Variants in POLK observed in about 807,000 individuals in gnomAD.
The protein encoded by POLK is polymerase (DNA directed) kappa.
A neutral mutation model predicts 94.0 loss-of-function variants in POLK; 76 were observed. That is an observed-to-expected ratio of 0.81 (90% CI 0.67 to 0.98). The LOEUF (loss-of-function observed/expected upper bound fraction) is 0.98. Ranked by LOEUF, POLK falls within the 50% of genes least tolerant of loss-of-function variation. The pLI is 0.00. For synonymous variants in POLK, 349 were observed against 325.4 expected, an observed-to-expected ratio of 1.07 and a Z score of -0.78; for missense variants, 954 against 1,010.1, an observed-to-expected ratio of 0.94 and a Z score of 0.75.
intron 4 of POLK, 46 bp downstream of exon 4, chr5:75,569,538 A>G (rs770153535): frequency 6.7e-7 from 1 of 1,501,222 alleles, no homozygotes; most frequent in Non-Finnish European, 9.1e-7. Flanking sequence ...AACGTACTCA[A>G]GTAAGCTTTA....
intron 11 of POLK, among the ~76,000 whole-genome samples, chr5:75,592,883 G>A (rs75027992): frequency 1.3e-5 from 2 of 151,902 alleles, no homozygotes; most frequent in South Asian, 2.1e-4. Context: ...GCAAAATCAC[G>A]TCTCTACAAA....
At chr5:75,576,816 A>G in exon 6 of POLK, 4 of 1,526,422 alleles carry the variant, frequency 2.6e-6, no homozygotes, top group African/African-American at 1.4e-5. Flanking sequence ...TCCCAATTTT[A>G]TGGCCATGAG....
At chr5:75,594,098 C>A in intron 12 of POLK, 49 bp downstream of exon 12, 1 of 1,383,984 alleles carries the variant, frequency 7.2e-7, no homozygotes, top group Non-Finnish European at 9.9e-7. Context: ...CTAGATTTTC[C>A]CAAATAATCA....
exon 14 of POLK, chr5:75,597,783 C>T (rs1773171774): frequency 6.6e-7 from 1 of 1,511,924 alleles, no homozygotes; most frequent in Non-Finnish European, 8.9e-7. Flanking sequence ...GTAACAAGAA[C>T]AAAAAGGTAT....
At chr5:75,532,420 A>G (rs760467989) in intron 1 of POLK, among the ~76,000 whole-genome samples, 3 of 150,720 alleles carry the variant, frequency 2.0e-5, no homozygotes, top group African/African-American at 4.9e-5. Context: ...CTCATCCTTT[A>G]TTATGGCTAT....
chr5:75,575,027 T>C (rs936836265), intron 5 of POLK, among the ~76,000 whole-genome samples: 2 of 152,262 alleles, frequency 1.3e-5, no homozygotes, highest in Non-Finnish European at 1.5e-5. Flanking sequence ...TGGTTATTTA[T>C]GTAAGTCAGA....
At chr5:75,562,869 T>G (rs1289691188) in intron 3 of POLK, among the ~76,000 whole-genome samples, 2 of 152,178 alleles carry the variant, frequency 1.3e-5, no homozygotes, top group Non-Finnish European at 2.9e-5. Flanking sequence ...CTGACTTGAT[T>G]GCGTTGGATA....
downstream of POLK, among the ~76,000 whole-genome samples, chr5:75,601,615 C>T (rs1178726542): frequency 2.0e-5 from 3 of 152,160 alleles, no homozygotes; most frequent in African/African-American, 2.4e-5. Flanking sequence ...TTCTGGCCTC[C>T]GTCTTTCTCC....
chr5:75,519,922 A>G (rs979408237), intron 1 of POLK, among the ~76,000 whole-genome samples: 3 of 152,016 alleles, frequency 2.0e-5, no homozygotes, highest in Non-Finnish European at 2.9e-5. Context: ...ATTTTATTGC[A>G]TGTTTTGTGG....
chr5:75,597,418 G>C (rs1476758553), intron 13 of POLK: 2 of 453,264 alleles, frequency 4.4e-6, no homozygotes, highest in African/African-American at 3.9e-5. Context: ...AAAGGTTTAA[G>C]GAGCTGAGTG....
chr5:75,564,812 C>T (rs1447892675), intron 3 of POLK, among the ~76,000 whole-genome samples: 1 of 152,162 alleles, frequency 6.6e-6, no homozygotes, highest in Admixed American at 6.5e-5. Context: ...CTGCCCTTAA[C>T]ATTTTTTCCT....
At chr5:75,530,235 A>G (rs1448663203) in intron 1 of POLK, among the ~76,000 whole-genome samples, 1 of 122,322 alleles carries the variant, frequency 8.2e-6, no homozygotes, top group Non-Finnish European at 1.7e-5. Context: ...AGCTGAATCT[A>G]TTTGTATTTC....
chr5:75,596,296 G>T (rs1773080060), exon 13 of POLK: 2 of 1,613,538 alleles, frequency 1.2e-6, no homozygotes, highest in Non-Finnish European at 1.7e-6. Context: ...CTTTTTACAG[G>T]CTGGAAACCA....
intron 1 of POLK, among the ~76,000 whole-genome samples, chr5:75,518,510 T>C (rs980144987): frequency 1.3e-5 from 2 of 152,044 alleles, no homozygotes; most frequent in African/African-American, 4.8e-5. Context: ...TTTTATTTAT[T>C]TGAATTTTCT....
intron 3 of POLK, among the ~76,000 whole-genome samples, chr5:75,562,142 A>G (rs1771021862): frequency 6.6e-6 from 1 of 152,224 alleles, no homozygotes; most frequent in South Asian, 2.1e-4. Context: ...ATCCATGAGT[A>G]TGGAATGTTT....
chr5:75,538,232 A>G (rs1769551375), intron 1 of POLK, among the ~76,000 whole-genome samples: 1 of 152,212 alleles, frequency 6.6e-6, no homozygotes. Flanking sequence ...TTAACATTTT[A>G]TGAATTTTCA....
chr5:75,523,142 C>T (rs2112542743), intron 1 of POLK, among the ~76,000 whole-genome samples: 1 of 152,242 alleles, frequency 6.6e-6, no homozygotes, highest in African/African-American at 2.4e-5. Flanking sequence ...CAAAGCACAT[C>T]ATAATATACT....
At chr5:75,577,588 C>G (rs1342859837) in intron 6 of POLK, among the ~76,000 whole-genome samples, 2 of 152,130 alleles carry the variant, frequency 1.3e-5, no homozygotes, top group Non-Finnish European at 2.9e-5. Context: ...GTCCTGGACC[C>G]CTGAACAAAG....
At chr5:75,557,591 A>T (rs1770706179) in intron 3 of POLK, among the ~76,000 whole-genome samples, 1 of 152,178 alleles carries the variant, frequency 6.6e-6, no homozygotes, top group Non-Finnish European at 1.5e-5. Flanking sequence ...TAATGGTGGG[A>T]TTATGTCCAG....
Sources: allele counts gnomAD v4.1 joint callset (sites outside exome capture counted in the v4.1 genomes callset), GRCh38; gene constraint gnomAD v4.1.1; transcripts MANE v1.5; gene names NCBI Gene and HGNC (gene_info 2026-07-23, HGNC 2026-07-21).